HUWE1: variants seen among roughly 807,000 people sequenced by gnomAD.
HUWE1 encodes HECT, UBA and WWE domain containing E3 ubiquitin protein ligase 1, also known as E3 ubiquitin-protein ligase HUWE1.
In HUWE1, 18 loss-of-function variants were observed where a neutral mutation model predicts 299.4. The ratio of observed to expected loss-of-function variants is 0.06; its 90% CI spans 0.04 to 0.09. The LOEUF (loss-of-function observed/expected upper bound fraction) is 0.09, where lower values mean the gene tolerates loss of function less well. Among genes scored for constraint, HUWE1 ranks in the 10% least tolerant of loss-of-function variants. HUWE1 has a pLI of 1.00. For synonymous variants in HUWE1, 1,317 were observed against 1,286.1 expected (o/e 1.02, Z -0.51); for missense variants, 1,832 against 3,462.3 (o/e 0.53, Z 11.82).
chrX:53,666,511 T>C (rs1312361924), intron 3 of HUWE1, among the ~76,000 whole-genome samples: 1 of 111,828 alleles, frequency 8.9e-6, no homozygotes, highest in Non-Finnish European at 1.9e-5. Context: ...GACTTTTTCC[T>C]GCTGGATCCA....
rs782208135 is a variant in HUWE1, at chrX:53,586,929, AAAC to A, written c.4615-23_4615-21del. The A allele has an allele frequency of 1.7e-4, 206 of 1,207,701 alleles. 2 individuals carry two copies. The South Asian group carries it at 3.2e-3, about 19-fold the overall frequency. Reference sequence around the variant, plus strand: ...CAACTCCTGATAGATCAAAGGGAAAAAACAACAACAACCAGATACCAATTTCTA... The same window carrying A: ...CAACTCCTGATAGATCAAAGGGAAAAAACAACAACCAGATACCAATTTCTA... On this transcript the variant is annotated intron_variant, in intron 37 of 83. Transcript: ENST00000262854.
chrX:53,544,987 T>A (rs782167615), intron 71 of HUWE1, 42 bp downstream of exon 71: 1 of 1,189,443 alleles, frequency 8.4e-7, no homozygotes, highest in Non-Finnish European at 1.1e-6. Context: ...TTCCAGAATA[T>A]CCCAGATTCA....
rs1336362885 is a variant in HUWE1, at chrX:53,589,820, G to A, written c.4192-4C>T. On this transcript the variant is annotated splice_region_variant and splice_polypyrimidine_tract_variant and intron_variant, in intron 35 of 83. Transcript: ENST00000262854. ...CCTCCTTCCGGCAAGCAACTTCCTG[G>A]AAGCAGGGAAGGAAGTGTGAATAAT... The A allele has an allele frequency of 5.8e-6, 7 of 1,199,544 alleles. No individual in the cohort carries two copies. The African/African-American group carries it at 8.8e-5, about 15-fold the overall frequency.
chrX:53,613,614 C>T (rs2065622789), intron 23 of HUWE1, among the ~76,000 whole-genome samples: 1 of 111,646 alleles, frequency 9.0e-6, no homozygotes, highest in African/African-American at 3.3e-5. Context: ...GGACTACCCC[C>T]TACCAATCAC....
intron 19 of HUWE1, among the ~76,000 whole-genome samples, chrX:53,618,690 A>G (rs149791941): frequency 0.015 from 1,627 of 108,304 alleles, 35 homozygotes; most frequent in African/African-American, 0.053. Flanking sequence ...TCAGCCTCCC[A>G]AGTAGTTGGG....
chrX:53,588,788 G>A (rs1402409146), intron 36 of HUWE1, among the ~76,000 whole-genome samples: 1 of 111,947 alleles, frequency 8.9e-6, no homozygotes, highest in Non-Finnish European at 1.9e-5. Flanking sequence ...AAGGAAATGA[G>A]TATTTTAAAA....
intron 82 of HUWE1, 43 bp downstream of exon 82, chrX:53,534,473 G>A (rs376371277): frequency 5.7e-5 from 64 of 1,126,347 alleles, no homozygotes; most frequent in Non-Finnish European, 7.4e-5. Context: ...GCGTTGCCTA[G>A]GGTAAGAGGA....
In HUWE1 at chrX:53,564,750, A is replaced by C. The variant is rs782524378; in HGVS notation, c.6881-28T>G. Reference sequence around the variant, plus strand: ...GAAACAATCAACCAACCAGCAAAATAATCAAAGAGTGCCTATGTGCTGGGC... The same window carrying C: ...GAAACAATCAACCAACCAGCAAAATCATCAAAGAGTGCCTATGTGCTGGGC... On this transcript the variant is annotated intron_variant, in intron 50 of 83. Coordinates refer to ENST00000262854, the MANE Select transcript of HUWE1 (RefSeq NM_031407.7). 2.5e-6 allele frequency: 3 copies of C among 1,210,935 alleles called. No individual in the cohort carries two copies. In the South Asian group the frequency reaches 5.3e-5, roughly 21 times the overall value.
intron 43 of HUWE1, 22 bp downstream of exon 43, chrX:53,580,809 G>A (rs370833370): frequency 6.7e-5 from 80 of 1,202,300 alleles, no homozygotes; most frequent in Admixed American, 2.8e-4. Flanking sequence ...AATATCAAAG[G>A]CCAGGAGCAA....
intron 76 of HUWE1, 150 bp from the exon 77 acceptor site, chrX:53,538,604 T>G: frequency 3.6e-6 from 2 of 548,891 alleles, no homozygotes; most frequent in Non-Finnish European, 3.1e-6. Flanking sequence ...GCCCTTGAGG[T>G]GTGAACGTGA....
intron 45 of HUWE1, among the ~76,000 whole-genome samples, 196 bp from the exon 46 acceptor site, chrX:53,575,417 C>T (rs1370042363): frequency 3.7e-5 from 4 of 109,237 alleles, no homozygotes; most frequent in African/African-American, 1.0e-4. Context: ...GTGGGGGAGG[C>T]GGGGAAGGAA....
chrX:53,679,100 C>A (rs2069986456), intron 3 of HUWE1, among the ~76,000 whole-genome samples: 1 of 111,151 alleles, frequency 9.0e-6, no homozygotes, highest in Non-Finnish European at 1.9e-5. Flanking sequence ...GACACCACTA[C>A]TGGGCTGTAA....
chrX:53,602,662 CA>C lies in HUWE1; in HGVS notation c.2877-5del. 2 of 1,053,097 alleles carry C rather than the reference CA, an allele frequency of 1.9e-6. No homozygotes were observed. The highest frequency in any genetic ancestry group is 2.6e-6 in the Non-Finnish European group (2 of 754,974). 86.8% of individuals were successfully genotyped at this position (1,053,097 alleles called of 1,213,427 possible). A position where few individuals can be genotyped will look rare whatever the true frequency, so the allele number is the denominator to read the frequency against. ...AAATTCACACCCAGATGGTAGGCTG[CA>C]AAAAGAGAAATGCTGAGCAAAAGAA... is the stretch of plus-strand genomic sequence containing the variant. On this transcript the variant is annotated splice_polypyrimidine_tract_variant and splice_region_variant and intron_variant, in intron 27 of 83. Transcript: ENST00000262854.
intron 32 of HUWE1, 151 bp from the exon 33 acceptor site, chrX:53,592,779 G>A (rs2064232966): frequency 2.0e-6 from 1 of 495,464 alleles, no homozygotes; most frequent in African/African-American, 2.3e-5. Flanking sequence ...GAGGCACAGA[G>A]AAGAGGCATT....
intron 2 of HUWE1, among the ~76,000 whole-genome samples, chrX:53,686,066 C>A (rs2070416828): frequency 8.9e-6 from 1 of 112,222 alleles, no homozygotes; most frequent in Non-Finnish European, 1.9e-5. Flanking sequence ...AGCAGTTAGT[C>A]GAAATGAATG....
intron 6 of HUWE1, among the ~76,000 whole-genome samples, chrX:53,645,736 AATATATATAT>A (rs1175668846): frequency 0.088 from 2,239 of 25,551 alleles, 167 homozygotes; most frequent in Middle Eastern, 0.14. Flanking sequence ...AAAAAAAAAA[AATATATATAT>A]ATATATATAT....
At chrX:53,543,561 C>T (rs1355536982) in intron 73 of HUWE1, 2 of 343,184 alleles carry the variant, frequency 5.8e-6, no homozygotes, top group Non-Finnish European at 1.0e-5. Flanking sequence ...CCCCTCAGAA[C>T]CCAGACAACA....
rs1455529423 is a variant in HUWE1, at chrX:53,539,647, C to G, written c.11632+10G>C. The stretch of plus-strand genomic sequence containing the variant: ...TGGGTTGGGACCTGGGCCTTTAGGA[C>G]ACAACTCACCTAGCACCGCATGCTG... On this transcript the variant is annotated intron_variant, in intron 75 of 83. Transcript: ENST00000262854. The G allele has an allele frequency of 8.3e-7, 1 of 1,209,304 alleles. No individual in the cohort carries two copies. The highest frequency in any genetic ancestry group is 1.1e-6 in the Non-Finnish European group (1 of 894,600).
intron 3 of HUWE1, among the ~76,000 whole-genome samples, chrX:53,662,028 C>T (rs2149437053): frequency 9.0e-6 from 1 of 111,718 alleles, no homozygotes; most frequent in African/African-American, 3.2e-5. Flanking sequence ...ACCTGTAGTT[C>T]CCAAATCTGG....
Sources: gnomAD v4.1 joint callset for allele counts (sites outside exome capture counted in the v4.1 genomes callset) on GRCh38, gnomAD v4.1.1 for gene constraint, MANE v1.5 for transcripts, NCBI Gene and HGNC (gene_info 2026-07-23, HGNC 2026-07-21) for gene names.